The following CXCL12 variants were observed in gnomAD, a reference collection of about 807,000 sequenced individuals.
CXCL12 encodes stromal cell-derived factor 1.
Under a neutral mutation model 10.7 loss-of-function variants are expected in CXCL12, and 4 were observed. That is an observed-to-expected ratio of 0.37 (90% CI 0.18 to 0.86). The LOEUF (loss-of-function observed/expected upper bound fraction) is 0.86, where lower values mean the gene tolerates loss of function less well. CXCL12 is among the 40% of genes least tolerant of loss of function. The probability of loss-of-function intolerance (pLI) is 0.43; values close to 1 mark genes in which losing one functional copy is unlikely to be tolerated. For synonymous variants in CXCL12, 54 were observed against 45.4 expected (o/e 1.19, Z -0.77); for missense variants, 122 against 110.4 (o/e 1.10, Z -0.47).
chr10:44,378,678 C>T lies in CXCL12; in HGVS notation c.225G>A (p.Lys75=), dbSNP rs904356308. The T allele has an allele frequency of 2.5e-6, 4 of 1,614,084 alleles. No individual in the cohort carries two copies. The highest frequency in any genetic ancestry group is 3.3e-5 in the Admixed American group (2 of 60,012). The change falls in exon 3 of 3, where the codon AAG becomes AAA. Residue 75 remains lysine (K), a synonymous_variant. Coordinates refer to ENST00000343575, the MANE Select transcript of CXCL12 (RefSeq NM_199168.4). The part of the protein sequence containing the change: ...NNNRQVCIDP[K]LKWIQEYLEK... ...CCAGGTACTCCTGAATCCACTTTAG[C>T]TTCGGGTCAATGCACACTTGTCTGT...
Position 44,385,013 on chromosome 10 carries a change from G to C in CXCL12, c.-8C>G. 1 of 1,429,212 alleles carries C rather than the reference G, an allele frequency of 7.0e-7. No homozygotes were observed. Among genetic ancestry groups the C allele is most frequent in the Admixed American group, 2.4e-5 (1 of 42,516 alleles). 88.5% of individuals were successfully genotyped at this position (1,429,212 alleles called of 1,614,324 possible). On this transcript the variant is annotated 5_prime_UTR_variant, in exon 1 of 3. Transcript: ENST00000343575. ...CACGACCTTGGCGTTCATGGCGCGG[G>C]CGGGCGGGCGGGCGGGCGGACGAGC...
chr10:44,372,365 C>G (rs1839334959), downstream of CXCL12: 1 of 158,634 alleles, frequency 6.3e-6, no homozygotes, highest in Admixed American at 5.9e-5. Context: ...GTAGTTCACC[C>G]CAAAGGACCA....
chr10:44,374,170 A>G (rs1839389663), downstream of CXCL12: 3 of 335,622 alleles, frequency 8.9e-6, no homozygotes, highest in East Asian at 7.6e-5. Context: ...GCTCCCCAGG[A>G]GTGGGATAGC....
chr10:44,373,312 C>T (rs1839364084), downstream of CXCL12: 1 of 1,606,524 alleles, frequency 6.2e-7, no homozygotes, highest in Non-Finnish European at 8.5e-7. Context: ...AAGGGTTCCT[C>T]AGGCGTCTGA....
At chr10:44,384,789 G>T (rs931383451) in intron 1 of CXCL12, among the ~76,000 whole-genome samples, 156 bp downstream of exon 1, 1 of 152,190 alleles carries the variant, frequency 6.6e-6, no homozygotes, top group African/African-American at 2.4e-5. Flanking sequence ...CTTTGAACGC[G>T]ACACCGCACC....
In CXCL12 at chr10:44,377,897, C is replaced by G. The variant is rs760690113; in HGVS notation, c.*736G>C. ...CACCCTCTTCCCGGCTGGTGCGGCG[C>G]TGATCAGGCTACAGAAATGAGAAGC... On this transcript the variant is annotated 3_prime_UTR_variant, in exon 3 of 3. Transcript: ENST00000343575. 1 of 1,564,576 alleles carries G rather than the reference C, an allele frequency of 6.4e-7. No individual in the cohort carries two copies. The highest frequency in any genetic ancestry group is 1.2e-5 in the South Asian group (1 of 86,546).
intron 1 of CXCL12, among the ~76,000 whole-genome samples, chr10:44,383,147 T>C (rs1303012330): frequency 6.6e-6 from 1 of 152,154 alleles, no homozygotes. Flanking sequence ...GCAGGACCCC[T>C]GGCCAAGCTC....
intron 1 of CXCL12, among the ~76,000 whole-genome samples, chr10:44,381,925 T>C (rs984053107): frequency 1.3e-5 from 2 of 152,190 alleles, no homozygotes; most frequent in African/African-American, 4.8e-5. Flanking sequence ...GAGACCTCTG[T>C]GGTTCTGAAA....
downstream of CXCL12, chr10:44,372,818 T>G: frequency 6.7e-7 from 1 of 1,484,836 alleles, no homozygotes; most frequent in Non-Finnish European, 8.9e-7. Context: ...CCGGCTCCCA[T>G]GTGGATGGAG....
At chr10:44,373,174 A>C, downstream of CXCL12, 2 of 1,539,332 alleles carry the variant, frequency 1.3e-6, no homozygotes, top group Non-Finnish European at 1.8e-6. Flanking sequence ...TTGCTACATA[A>C]TCAAATGGTG....
At chr10:44,379,892 AG>A (rs1839574528) in intron 2 of CXCL12, among the ~76,000 whole-genome samples, 2 of 152,254 alleles carry the variant, frequency 1.3e-5, no homozygotes, top group Admixed American at 1.3e-4. Flanking sequence ...AAGGCAGTAA[AG>A]GGTTAACTCA....
Position 44,378,601 on chromosome 10 carries a change from G to T in CXCL12, c.*32C>A. ...CAAGGTTTTAGTTTTCCTCGAGTGG[G>T]TCTAGCGGAAAGTCCTTTTTGGCTG... is the stretch of plus-strand genomic sequence containing the variant. On this transcript the variant is annotated 3_prime_UTR_variant, in exon 3 of 3. Coordinates refer to ENST00000343575, the MANE Select transcript of CXCL12 (RefSeq NM_199168.4). 1 of 1,613,948 alleles carries T rather than the reference G, an allele frequency of 6.2e-7. No individual in the cohort carries two copies. The highest frequency in any genetic ancestry group is 2.2e-5 in the East Asian group (1 of 44,858).
downstream of CXCL12, chr10:44,371,758 T>C (rs1398057668): frequency 6.6e-6 from 1 of 152,444 alleles, no homozygotes; most frequent in Non-Finnish European, 1.5e-5. Context: ...TTGACTTCCT[T>C]GTTTTCCACT....
downstream of CXCL12, chr10:44,373,460 C>G: frequency 2.3e-6 from 2 of 868,352 alleles, no homozygotes; most frequent in Non-Finnish European, 3.8e-6. Flanking sequence ...TTCCAAGTTG[C>G]CACCTTGGCC....
At chr10:44,380,120 C>A (rs1273580957) in intron 2 of CXCL12, among the ~76,000 whole-genome samples, 2 of 152,214 alleles carry the variant, frequency 1.3e-5, no homozygotes, top group Non-Finnish European at 2.9e-5. Context: ...GGCTTTCAAG[C>A]ACATGGCTTT....
downstream of CXCL12, chr10:44,372,969 G>A (rs574730375): frequency 2.8e-4 from 437 of 1,535,960 alleles, 2 homozygotes; most frequent in African/African-American, 5.3e-3. Flanking sequence ...TGACCATGGG[G>A]CCAGGCTCCC....
downstream of CXCL12, among the ~76,000 whole-genome samples, chr10:44,375,034 A>G (rs1229157423): frequency 6.6e-6 from 1 of 152,202 alleles, no homozygotes; most frequent in African/African-American, 2.4e-5. Context: ...ATGAATGAGG[A>G]CAGAGGCAGC....
At chr10:44,379,300 G>A (rs17540437) in intron 2 of CXCL12, among the ~76,000 whole-genome samples, 275 of 152,230 alleles carry the variant, frequency 1.8e-3, no homozygotes, top group Admixed American at 4.3e-3. Context: ...CAGTGCAGGT[G>A]GCTTACCAGA....
downstream of CXCL12, chr10:44,372,218 C>A (rs1244473837): frequency 6.6e-6 from 1 of 152,308 alleles, no homozygotes; most frequent in Non-Finnish European, 1.5e-5. Context: ...TGGGCTTGGC[C>A]CTAGTTTGAA....
Sources: gnomAD v4.1 joint callset for allele counts (sites outside exome capture counted in the v4.1 genomes callset) on GRCh38, gnomAD v4.1.1 for gene constraint, MANE v1.5 for transcripts, NCBI Gene and HGNC (gene_info 2026-07-23, HGNC 2026-07-21) for gene names.